Variants in COL11A1 observed in about 807,000 individuals in gnomAD.
The protein encoded by COL11A1 is collagen type XI alpha 1 chain.
Under a neutral mutation model 265.2 loss-of-function variants are expected in COL11A1, and 74 were observed. That is an observed-to-expected ratio of 0.28 (90% confidence interval 0.23 to 0.34). The LOEUF (loss-of-function observed/expected upper bound fraction) is 0.34, where lower values mean the gene tolerates loss of function less well. COL11A1 is among the 10% of genes least tolerant of loss of function. The pLI is 1.00. For synonymous variants in COL11A1, 816 were observed against 727.6 expected (o/e 1.12, Z -1.96); for missense variants, 2,165 against 2,263.6 (o/e 0.96, Z 0.88).
chr1:102,919,837 A>G (rs1169657080), intron 49 of COL11A1, among the ~76,000 whole-genome samples: 1 of 152,058 alleles, frequency 6.6e-6, no homozygotes, highest in East Asian at 1.9e-4. Flanking sequence ...TATAACTCAA[A>G]ATATAACAAA....
rs1433915342 is a variant in COL11A1 at position 103,001,978 on chromosome 1, A to G, written c.2098-9T>C. 5 of 1,610,570 alleles carry G rather than the reference A, an allele frequency of 3.1e-6. No homozygotes were observed. The highest frequency in any genetic ancestry group is 4.2e-6 in the Non-Finnish European group (5 of 1,177,022). Reference sequence around the variant, plus strand: ...TGTGGACCAGGAAGACCCTATTTTAAAAGAATTTATTTCATATATCAGATA... The same window carrying G: ...TGTGGACCAGGAAGACCCTATTTTAGAAGAATTTATTTCATATATCAGATA... On this transcript the variant is annotated splice_polypyrimidine_tract_variant and intron_variant, in intron 23 of 66. Transcript: ENST00000370096.
At chr1:102,968,117 TACAGTTCACA>T (rs1353574963) in intron 37 of COL11A1, among the ~76,000 whole-genome samples, 1 of 152,228 alleles carries the variant, frequency 6.6e-6, no homozygotes, top group Non-Finnish European at 1.5e-5. Context: ...GGAAAACTTT[TACAGTTCACA>T]ACAAGTTGTG....
intron 47 of COL11A1, 28 bp from the exon 48 acceptor site, chr1:102,921,599 A>G: frequency 6.3e-6 from 10 of 1,577,412 alleles, no homozygotes; most frequent in Non-Finnish European, 8.7e-6. Context: ...TGAGGTTTAC[A>G]AAGACCAAAT....
At chr1:102,950,518 A>T (rs1008573585) in intron 41 of COL11A1, among the ~76,000 whole-genome samples, 1 of 152,106 alleles carries the variant, frequency 6.6e-6, no homozygotes, top group Admixed American at 6.5e-5. Context: ...CATCCTAGAA[A>T]ATATTCAACT....
At chr1:102,893,878 A>C (rs533187451) in intron 57 of COL11A1, among the ~76,000 whole-genome samples, 1 of 152,308 alleles carries the variant, frequency 6.6e-6, no homozygotes. Context: ...CAGATAACTT[A>C]AATGTAGGAT....
rs748973743 is a variant in COL11A1 at position 103,082,997 on chromosome 1, A to C, written c.107-25T>G. On this transcript the variant is annotated intron_variant, in intron 1 of 66. Coordinates refer to ENST00000370096, the MANE Select transcript of COL11A1 (RefSeq NM_001854.4). ...GCTGAAAAATAAGCAAACAATAAAAAACCAGAATTGAACAACGATCTGATA... is the reference window on the plus strand; with the variant it reads ...GCTGAAAAATAAGCAAACAATAAAACACCAGAATTGAACAACGATCTGATA... 3 of 1,609,718 alleles carry C rather than the reference A, an allele frequency of 1.9e-6. No homozygotes were observed. The African/African-American group carries it at 4.0e-5, about 22-fold the overall frequency.
At chr1:102,908,536 A>G in intron 54 of COL11A1, among the ~76,000 whole-genome samples, 1 of 152,056 alleles carries the variant, frequency 6.6e-6, no homozygotes, top group East Asian at 1.9e-4. Flanking sequence ...ATCAATTAGA[A>G]CTGAATTCTG....
intron 24 of COL11A1, chr1:103,001,599 T>G (rs546657126): frequency 8.7e-6 from 4 of 461,730 alleles, no homozygotes; most frequent in South Asian, 1.2e-4. Flanking sequence ...ACTTAATTAC[T>G]TTTTTGTAAA....
In COL11A1 at chr1:102,977,665, A is replaced by C. The variant is rs540319999; in HGVS notation, c.2754+1043T>G. 2.0e-5 allele frequency among the ~76,000 whole-genome samples: 3 copies of C among 152,266 alleles called. No homozygotes were observed. In the South Asian group the frequency reaches 6.2e-4, roughly 32 times the overall value. ...TATTTAGCCTTTTTAATTAATTTAA[A>C]TGTCCCTTATTAAAATGACTGACCA... On this transcript the variant is annotated intron_variant, in intron 35 of 66. Transcript: ENST00000370096.
chr1:103,036,136 C>G (rs1371182870), intron 4 of COL11A1, among the ~76,000 whole-genome samples: 4 of 151,410 alleles, frequency 2.6e-5, no homozygotes, highest in African/African-American at 9.7e-5. Flanking sequence ...TAAATTTTCT[C>G]CTAGCTTTGC....
intron 42 of COL11A1, 60 bp from the exon 43 acceptor site, chr1:102,940,494 A>G (rs930861358): frequency 1.2e-5 from 14 of 1,194,762 alleles, no homozygotes; most frequent in Admixed American, 3.7e-5. Context: ...TACAAGAGTA[A>G]TAATCTAGCT....
At chr1:103,047,971 T>C (rs1669445870) in intron 4 of COL11A1, among the ~76,000 whole-genome samples, 1 of 152,238 alleles carries the variant, frequency 6.6e-6, no homozygotes, top group South Asian at 2.1e-4. Context: ...TCATGGTGGA[T>C]AAGCTTTTTT....
chr1:102,929,473 C>A (rs376416074), intron 46 of COL11A1, among the ~76,000 whole-genome samples: 2 of 151,974 alleles, frequency 1.3e-5, no homozygotes, highest in Admixed American at 1.3e-4. Context: ...GTACCAGTAC[C>A]ATGCTGTTTT....
In COL11A1 at chr1:102,996,054, G is replaced by T. The variant is rs1345896945; in HGVS notation, c.2242-12C>A. On this transcript the variant is annotated splice_polypyrimidine_tract_variant and intron_variant, in intron 26 of 66. Transcript: ENST00000370096. ...GGACCAGGGGGACCCTGAAATAGATGAATTACCACTTATACGTGTAATAAA... is the reference window on the plus strand; with the variant it reads ...GGACCAGGGGGACCCTGAAATAGATTAATTACCACTTATACGTGTAATAAA... 1.2e-6 allele frequency: 2 copies of T among 1,612,458 alleles called. No homozygotes were observed. Among genetic ancestry groups the T allele is most frequent in the Non-Finnish European group, 1.7e-6 (2 of 1,178,852 alleles).
At chr1:103,006,216 G>T in intron 16 of COL11A1, 46 bp downstream of exon 16, 1 of 713,084 alleles carries the variant, frequency 1.4e-6, no homozygotes, top group Non-Finnish European at 2.2e-6. Flanking sequence ...TAAAACTAAT[G>T]ATCATGGCAG....
At chr1:102,938,446 A>G (rs1658377447) in intron 44 of COL11A1, among the ~76,000 whole-genome samples, 1 of 152,210 alleles carries the variant, frequency 6.6e-6, no homozygotes, top group Admixed American at 6.5e-5. Flanking sequence ...GAGAGTATAA[A>G]TTAGTAAGGA....
chr1:102,890,907 A>C, intron 57 of COL11A1, among the ~76,000 whole-genome samples: 1 of 152,128 alleles, frequency 6.6e-6, no homozygotes, highest in East Asian at 1.9e-4. Flanking sequence ...AAACTCAATA[A>C]ACTTTTGAAC....
At chr1:102,891,727 A>AG (rs1651806255) in intron 57 of COL11A1, among the ~76,000 whole-genome samples, 1 of 150,586 alleles carries the variant, frequency 6.6e-6, no homozygotes, top group Non-Finnish European at 1.5e-5. Context: ...AAAAAAAAAA[A>AG]GCAAAAACTA....
chr1:102,913,598 T>C, intron 53 of COL11A1, 39 bp downstream of exon 53: 1 of 1,568,324 alleles, frequency 6.4e-7, no homozygotes, highest in Non-Finnish European at 8.8e-7. Context: ...GCCTTGAGAC[T>C]ATGTAAAAAC....
Sources: allele counts gnomAD v4.1 joint callset (sites outside exome capture counted in the v4.1 genomes callset), GRCh38; gene constraint gnomAD v4.1.1; transcripts MANE v1.5; gene names NCBI Gene and HGNC (gene_info 2026-07-23, HGNC 2026-07-21).